Variants in NEB observed in about 807,000 individuals in gnomAD.
NEB encodes nebulin.
Under a neutral mutation model 952.2 loss-of-function variants are expected in NEB, and 512 were observed. The observed-to-expected ratio is 0.54, with a 90% confidence interval of 0.50 to 0.58. NEB has a LOEUF of 0.58. Among genes scored for constraint, NEB ranks in the 20% least tolerant of loss-of-function variants. The pLI, the probability that NEB is intolerant of heterozygous loss-of-function variation, is 0.00. For missense variants in NEB, 8,428 were observed against 9,231.1 expected (o/e 0.91, Z 3.56); for synonymous variants, 2,900 against 3,149.8 (o/e 0.92, Z 2.66).
At chr2:151,535,367 A>G (rs1334468437) in intron 142 of NEB, among the ~76,000 whole-genome samples, 1 of 152,190 alleles carries the variant, frequency 6.6e-6, no homozygotes, top group Non-Finnish European at 1.5e-5. Context: ...TGTAATATAT[A>G]AGGGAGTTCC....
rs1036194580 is a variant in NEB, at chr2:151,716,065, T to A, written c.822+1351A>T. ...AAATGACCACTTGAAAACACCTTTTTATTTTTCTTCCAAAAAGATAAATTG... is the reference window on the plus strand; with the variant it reads ...AAATGACCACTTGAAAACACCTTTTAATTTTTCTTCCAAAAAGATAAATTG... On this transcript the variant is annotated intron_variant, in intron 10 of 181. Coordinates refer to ENST00000397345, the MANE Select transcript of NEB (RefSeq NM_001164508.2). The A allele has an allele frequency of 1.5e-5, 6 of 396,932 alleles. No individual in the cohort carries two copies. The Admixed American group carries it at 2.0e-4, about 13-fold the overall frequency. The allele number at this position is 396,932 out of a possible 1,614,324, so 24.6% of individuals were successfully genotyped here.
At chr2:151,723,750 GTTTTTTTTTTTT>G (rs11308757) in intron 8 of NEB, among the ~76,000 whole-genome samples, 4 of 51,364 alleles carry the variant, frequency 7.8e-5, no homozygotes, top group East Asian at 7.5e-4. Context: ...TGCCTTCTTT[GTTTTTTTTTTTT>G]TTTTTTTTTT....
chr2:151,492,167 G>A lies in NEB; in HGVS notation c.24988C>T (p.Arg8330Ter), dbSNP rs767709270. Residue 8330 changes from arginine to a stop codon, truncating the protein, a stop_gained, in exon 178 of 182, where the codon CGA becomes TGA. Transcript: ENST00000397345. LOFTEE classifies it high-confidence loss of function. ...NMQDFSDINY[R>*]GIQRKVVEME... ...TCTACCACTTTCCTCTGAATACCTC[G>A]GTAGTTAATGTCACTGAAGTCCTGC... The A allele has an allele frequency of 1.9e-6, 3 of 1,613,730 alleles. No individual in the cohort carries two copies. The highest frequency in any genetic ancestry group is 1.7e-5 in the Admixed American group (1 of 60,004).
At chr2:151,574,714 A>T (rs1438864793) in intron 107 of NEB, among the ~76,000 whole-genome samples, 1 of 143,478 alleles carries the variant, frequency 7.0e-6, no homozygotes, top group African/African-American at 2.6e-5. Context: ...ATTGGTCTAC[A>T]GTTTAAATTT....
chr2:151,545,279 A>T (rs977279981), intron 135 of NEB, among the ~76,000 whole-genome samples: 3 of 152,086 alleles, frequency 2.0e-5, no homozygotes, highest in African/African-American at 7.2e-5. Context: ...ATAATAAGTA[A>T]AATTATTATT....
chr2:151,572,415 CTATTT>C (rs2096662401), intron 107 of NEB, among the ~76,000 whole-genome samples: 1 of 149,816 alleles, frequency 6.7e-6, no homozygotes, highest in African/African-American at 2.5e-5. Flanking sequence ...TGTTTTCATT[CTATTT>C]TATTATGCAC....
At chr2:151,505,332 A>C in intron 165 of NEB, 146 bp downstream of exon 165, 1 of 697,106 alleles carries the variant, frequency 1.4e-6, no homozygotes, top group East Asian at 2.5e-5. Context: ...TGCAACCTGT[A>C]GTGACCCCAT....
At chr2:151,542,952 T>C (rs2094254442) in intron 135 of NEB, among the ~76,000 whole-genome samples, 1 of 152,216 alleles carries the variant, frequency 6.6e-6, no homozygotes, top group Non-Finnish European at 1.5e-5. Context: ...TGTAAACTAG[T>C]CCCAGTTACT....
chr2:151,733,064 C>T (rs982494503), intron 3 of NEB, 57 bp downstream of exon 3: 2 of 1,489,080 alleles, frequency 1.3e-6, no homozygotes, highest in Non-Finnish European at 1.8e-6. Flanking sequence ...ACCTACACAG[C>T]TTTGATTGTC....
In NEB at chr2:151,496,993, G is replaced by A; in HGVS notation, c.24341C>T (p.Pro8114Leu). 1 of 1,579,202 alleles carries A rather than the reference G, an allele frequency of 6.3e-7. No homozygotes were observed. Among genetic ancestry groups the A allele is most frequent in the Non-Finnish European group, 8.6e-7 (1 of 1,160,440 alleles). Residue 8114 changes from proline to leucine, a missense_variant, in exon 172 of 182, where the codon CCT becomes CTT. This residue lies in a region of NEB where 3,374 missense variants were observed against 3,651.5 expected (regional missense o/e 0.92). Coordinates refer to ENST00000397345, the MANE Select transcript of NEB (RefSeq NM_001164508.2). ...KENMGKGTPL[P>L]VTPEMERVKH... is the part of the protein sequence containing the mutation. ...GACTCTCTCCATCTCAGGAGTGACA[G>A]GTAGAGGGGTTCCCTTGCCCATGTT...
intron 130 of NEB, among the ~76,000 whole-genome samples, chr2:151,548,927 C>G (rs1330538649): frequency 6.6e-6 from 1 of 152,144 alleles, no homozygotes; most frequent in African/African-American, 2.4e-5. Context: ...AAGGGTAGCA[C>G]AGAGGGAGAG....
At chr2:151,553,263 T>C (rs1368653538) in intron 127 of NEB, 135 bp downstream of exon 127, 1 of 711,228 alleles carries the variant, frequency 1.4e-6, no homozygotes. Flanking sequence ...GTTGCTCTGC[T>C]CCTAGCAACT....
intron 159 of NEB, 27 bp from the exon 160 acceptor site, chr2:151,513,720 A>G: frequency 3.4e-6 from 5 of 1,480,162 alleles, no homozygotes; most frequent in Non-Finnish European, 4.6e-6. Context: ...AGAAAAAAAA[A>G]AGGTACCTAA....
At chr2:151,528,831 A>C (rs1175217504) in intron 146 of NEB, among the ~76,000 whole-genome samples, 1 of 152,236 alleles carries the variant, frequency 6.6e-6, no homozygotes, top group South Asian at 2.1e-4. Context: ...TGTTTTCTTC[A>C]TCAGAAGAAG....
Position 151,663,595 on chromosome 2 carries a change from C to T in NEB, c.5716G>A (p.Ala1906Thr), listed in dbSNP as rs771829487. 8.7e-6 allele frequency: 14 copies of T among 1,613,122 alleles called. No individual in the cohort carries two copies. In the South Asian group the frequency reaches 1.5e-4, roughly 18 times the overall value. ...TTTTTGGCCAATTCAAAGCTCATGG[C>T]ATCAGGAAGCATGTTGTAGGTATGG... ...VIHTYNMLPD[A>T]MSFELAKNMM... The change falls in exon 45 of 182, where the codon GCC (alanine) becomes ACC (threonine). Residue 1906 changes from alanine (A) to threonine (T), a missense_variant. Physicochemically the swap from Ala to Thr is moderately conservative, Grantham distance 58 (BLOSUM62 0). Coordinates refer to ENST00000397345, the MANE Select transcript of NEB (RefSeq NM_001164508.2).
intron 13 of NEB, among the ~76,000 whole-genome samples, chr2:151,701,801 C>T (rs1413799546): frequency 6.7e-6 from 1 of 149,420 alleles, no homozygotes; most frequent in Admixed American, 6.7e-5. Flanking sequence ...TTTTGTTGAT[C>T]CTTTCAAAAA....
In NEB at chr2:151,616,070, C is replaced by T. The variant is rs375657086; in HGVS notation, c.11221G>A (p.Gly3741Ser). The T allele has an allele frequency of 2.1e-5, 34 of 1,613,000 alleles. No homozygotes were observed. The African/African-American group carries it at 4.1e-4, about 20-fold the overall frequency. Residue 3741 changes from glycine to serine, a missense_variant, in exon 76 of 182, where the codon GGC (glycine) becomes AGC (serine). Transcript: ENST00000397345. ...ATGGCATCCAGACGCAAGTCATAGC[C>T]TTCCTTCTTGGACTCTTCCAAAGCA... Reference protein sequence around the residue: ...KLALEESKKEGYDLRLDAIPI... With the variant: ...KLALEESKKESYDLRLDAIPI...
Position 151,690,774 on chromosome 2 carries a change from A to G in NEB, c.2263T>C (p.Ser755Pro). 1.3e-6 allele frequency: 2 copies of G among 1,599,686 alleles called. No individual in the cohort carries two copies. Among genetic ancestry groups the G allele is most frequent in the Middle Eastern group, 1.7e-4 (1 of 6,046 alleles). ...AGCTGGGCTTGCAACAGTACAGGAG[A>G]ATCAGTGACTGCCGTGAATTTGGTC... ...DKTKFTAVTD[S>P]PVLLQAQLNT... is the part of the protein sequence containing the mutation. Residue 755 changes from serine (S) to proline (P), a missense_variant, in exon 24 of 182, where the codon TCT becomes CCT. Ser to Pro is a moderately conservative substitution (Grantham distance 74). This residue lies in a region of NEB where 2,851 missense variants were observed against 2,791.5 expected (regional missense o/e 1.02). Transcript: ENST00000397345.
At chr2:151,522,081 G>A (rs534354953) in intron 153 of NEB, among the ~76,000 whole-genome samples, 18 of 152,270 alleles carry the variant, frequency 1.2e-4, no homozygotes, top group South Asian at 8.3e-4. Flanking sequence ...GGCAGCCCCC[G>A]GGGTTTATAA....
Sources: gnomAD v4.1 joint callset for allele counts (sites outside exome capture counted in the v4.1 genomes callset) on GRCh38, gnomAD v4.1.1 for gene constraint, gnomAD v4.1.1 regional missense constraint, MANE v1.5 for transcripts, NCBI Gene and HGNC (gene_info 2026-07-23, HGNC 2026-07-21) for gene names.